Variants in SOHLH2 observed in about 807,000 individuals in gnomAD.
The protein encoded by SOHLH2 is spermatogenesis and oogenesis specific basic helix-loop-helix 2.
SOHLH2 carries 22 observed loss-of-function variants against 50.4 expected under a neutral mutation model. That is an observed-to-expected ratio of 0.44 (90% CI 0.31 to 0.62). The LOEUF (loss-of-function observed/expected upper bound fraction) is 0.62. Ranked by LOEUF, SOHLH2 falls within the 20% of genes least tolerant of loss-of-function variation. The probability of loss-of-function intolerance (pLI) is 0.08; values close to 1 mark genes in which losing one functional copy is unlikely to be tolerated. For missense variants in SOHLH2, 412 were observed against 504.4 expected (o/e 0.82, Z 1.76); for synonymous variants, 185 against 187.3 (o/e 0.99, Z 0.10).
intron 6 of SOHLH2, 82 bp from the exon 7 acceptor site, chr13:36,174,951 G>A: frequency 1.3e-6 from 2 of 1,498,332 alleles, no homozygotes; most frequent in Non-Finnish European, 1.8e-6. Context: ...ACTTCCTCCT[G>A]GGTATGTTTG....
Position 36,174,582 on chromosome 13 carries a change from AAT to A in SOHLH2, c.790-17_790-16del. 1 of 1,613,764 alleles carries A rather than the reference AAT, an allele frequency of 6.2e-7. No individual in the cohort carries two copies. The highest frequency in any genetic ancestry group is 8.5e-7 in the Non-Finnish European group (1 of 1,179,950). On this transcript the variant is annotated splice_polypyrimidine_tract_variant and intron_variant, in intron 7 of 10. Transcript: ENST00000379881. ...GCTTCTGTAATCTAAAAAACACAGA[AAT>A]ATATTTAGGTAGATACCGACATTTT...
At chr13:36,172,511 T>C (rs917043604) in intron 9 of SOHLH2, among the ~76,000 whole-genome samples, 2 of 152,214 alleles carry the variant, frequency 1.3e-5, no homozygotes, top group East Asian at 3.9e-4. Flanking sequence ...TTAGACACTA[T>C]GCTGCATAAC....
chr13:36,192,690 G>C (rs1887610884), intron 4 of SOHLH2, among the ~76,000 whole-genome samples: 1 of 152,126 alleles, frequency 6.6e-6, no homozygotes, highest in Non-Finnish European at 1.5e-5. Context: ...TGTACAACTT[G>C]AGTTGATAAT....
At chr13:36,170,942 A>C (rs1886947514) in intron 9 of SOHLH2, among the ~76,000 whole-genome samples, 155 bp from the exon 10 acceptor site, 1 of 152,180 alleles carries the variant, frequency 6.6e-6, no homozygotes, top group Non-Finnish European at 1.5e-5. Flanking sequence ...AACAAAGTGA[A>C]CTTTCTAATT....
chr13:36,188,095 G>A (rs889569331), intron 6 of SOHLH2, among the ~76,000 whole-genome samples: 2 of 152,164 alleles, frequency 1.3e-5, no homozygotes, highest in East Asian at 3.9e-4. Flanking sequence ...CCCCCGCTGA[G>A]CTCAGACTTC....
At position 36,168,752 on chromosome 13, in the gene SOHLH2, A is replaced by G. The variant is rs752336738; in HGVS notation, c.*282T>C. ...TAAATTGTGGAATATTTTTTGAGAA[A>G]AGAGAGTGTAGGTCACTGAGGCCAT... On this transcript the variant is annotated 3_prime_UTR_variant, in exon 11 of 11. Transcript: ENST00000379881. The G allele has an allele frequency of 9.2e-5, 39 of 422,596 alleles. No homozygotes were observed. The highest frequency in any genetic ancestry group is 1.5e-4 in the Non-Finnish European group (35 of 240,580). 26.2% of individuals were successfully genotyped at this position (422,596 alleles called of 1,614,324 possible). A position where few individuals can be genotyped will look rare whatever the true frequency, so the allele number is the denominator to read the frequency against.
rs1278559707 is a variant in SOHLH2 at position 36,214,555 on chromosome 13, G to A, written c.-29C>T. 3 of 1,605,788 alleles carry A rather than the reference G, an allele frequency of 1.9e-6. No individual in the cohort carries two copies. The highest frequency in any genetic ancestry group is 1.7e-6 in the Non-Finnish European group (2 of 1,176,672). On this transcript the variant is annotated 5_prime_UTR_variant, in exon 1 of 11. Transcript: ENST00000379881. ...CGCTGCGCACGTGCTGGGTCCTGGGGCAGCCTCCCAGCAGGAGGAGCTCCA... is the reference window on the plus strand; with the variant it reads ...CGCTGCGCACGTGCTGGGTCCTGGGACAGCCTCCCAGCAGGAGGAGCTCCA...
At chr13:36,207,931 C>T (rs1868879942) in intron 1 of SOHLH2, among the ~76,000 whole-genome samples, 1 of 152,094 alleles carries the variant, frequency 6.6e-6, no homozygotes, top group African/African-American at 2.4e-5. Flanking sequence ...TCACCTTGGT[C>T]GCTTGGTTAA....
chr13:36,200,197 A>G lies in SOHLH2; in HGVS notation c.263+1682T>C, dbSNP rs376955648. ...TGTAAAAAATTTTAAAATATGATAT[A>G]AATGAAGTATTATGATGAGTTCCCA... On this transcript the variant is annotated intron_variant, in intron 2 of 10. Coordinates refer to ENST00000379881, the MANE Select transcript of SOHLH2 (RefSeq NM_017826.3). Among the ~76,000 whole-genome samples the G allele has an allele frequency of 1.1e-4, 17 of 152,300 alleles. 1 individual carries two copies. The East Asian group carries it at 1.9e-3, about 17-fold the overall frequency.
At chr13:36,190,178 G>A in intron 5 of SOHLH2, 122 bp from the exon 6 acceptor site, 2 of 746,736 alleles carry the variant, frequency 2.7e-6, no homozygotes, top group Non-Finnish European at 1.9e-6. Flanking sequence ...CATACAAAGG[G>A]GCAATAAGTG....
At chr13:36,174,270 C>T (rs1887041099) in intron 8 of SOHLH2, among the ~76,000 whole-genome samples, 1 of 152,126 alleles carries the variant, frequency 6.6e-6, no homozygotes, top group Non-Finnish European at 1.5e-5. Context: ...GGGTGAGTCA[C>T]ATGATGAAAA....
In SOHLH2 at chr13:36,202,038, G is replaced by C; in HGVS notation, c.104C>G (p.Thr35Ser). 6.2e-7 allele frequency: 1 copy of C among 1,614,236 alleles called. No homozygotes were observed. Among genetic ancestry groups the C allele is most frequent in the Non-Finnish European group, 8.5e-7 (1 of 1,180,046 alleles). The change falls in exon 2 of 11, where the codon ACT (threonine) becomes AGT (serine). Residue 35 changes from threonine to serine, a missense_variant. Physicochemically the swap from Thr to Ser is moderately conservative, Grantham distance 58 (BLOSUM62 1). Transcript: ENST00000379881. ...TATGTTTGCAAATAGTTTCTGTACA[G>C]TATCAGCCAGGTAGCCCACAGTGAC... ...GDVTVGYLAD[T>S]VQKLFANIAE...
chr13:36,202,939 GC>G (rs1274156750), intron 1 of SOHLH2, among the ~76,000 whole-genome samples: 1 of 152,208 alleles, frequency 6.6e-6, no homozygotes, highest in Non-Finnish European at 1.5e-5. Context: ...GGTGTAAGTG[GC>G]CCCGTGGGGC....
chr13:36,205,461 C>T (rs951070225), intron 1 of SOHLH2, among the ~76,000 whole-genome samples: 4 of 152,020 alleles, frequency 2.6e-5, no homozygotes, highest in African/African-American at 9.7e-5. Context: ...AATTTTACAT[C>T]AGAAAAGGGT....
chr13:36,189,906 C>T (rs373204261), intron 6 of SOHLH2, 40 bp downstream of exon 6: 16 of 1,521,078 alleles, frequency 1.1e-5, no homozygotes, highest in Admixed American at 6.3e-5. Flanking sequence ...TTTCTCCCTA[C>T]AAAAGAATAA....
intron 1 of SOHLH2, among the ~76,000 whole-genome samples, chr13:36,203,563 T>C (rs1868559594): frequency 6.6e-6 from 1 of 152,156 alleles, no homozygotes; most frequent in Admixed American, 6.5e-5. Flanking sequence ...GAATCCAAAC[T>C]AGAAAATCAG....
At chr13:36,198,834 C>G (rs781145466) in intron 2 of SOHLH2, among the ~76,000 whole-genome samples, 4 of 152,122 alleles carry the variant, frequency 2.6e-5, no homozygotes, top group Non-Finnish European at 4.4e-5. Flanking sequence ...ATCATGTGCT[C>G]TAATACTGAA....
At chr13:36,175,148 C>T (rs1887066654) in intron 6 of SOHLH2, among the ~76,000 whole-genome samples, 1 of 152,220 alleles carries the variant, frequency 6.6e-6, no homozygotes, top group South Asian at 2.1e-4. Context: ...CACCTCAGGC[C>T]TGCTGCAGAG....
rs1190348020 is a variant in SOHLH2, at chr13:36,201,888, T to C, written c.254A>G (p.Lys85Arg). The C allele has an allele frequency of 1.2e-6, 2 of 1,614,116 alleles. No individual in the cohort carries two copies. Among genetic ancestry groups the C allele is most frequent in the Non-Finnish European group, 1.7e-6 (2 of 1,180,050 alleles). The stretch of plus-strand genomic sequence containing the variant: ...GGCTTTTGAAGTTTACCTAATTAAC[T>C]TGATGGCTTCCAGCTCCTCGGCACT... ...SLSAEELEAI[K>R]LIRFGKKKNT... The change falls in exon 2 of 11, where the codon AAG becomes AGG. Residue 85 changes from lysine (K) to arginine (R), a missense_variant. Coordinates refer to ENST00000379881, the MANE Select transcript of SOHLH2 (RefSeq NM_017826.3).
Sources: gnomAD v4.1 joint callset for allele counts (sites outside exome capture counted in the v4.1 genomes callset) on GRCh38, gnomAD v4.1.1 for gene constraint, MANE v1.5 for transcripts, NCBI Gene and HGNC (gene_info 2026-07-23, HGNC 2026-07-21) for gene names.